CNTN4: variants seen among roughly 807,000 people sequenced by gnomAD.
The protein encoded by CNTN4 is contactin 4.
CNTN4 carries 77 observed loss-of-function variants against 122.5 expected under a neutral mutation model. The ratio of observed to expected loss-of-function variants is 0.63; its 90% confidence interval spans 0.52 to 0.76. CNTN4 has a LOEUF of 0.76. Ranked by LOEUF, CNTN4 falls within the 30% of genes least tolerant of loss-of-function variation. The pLI is 0.00. For missense variants in CNTN4, 1,256 were observed against 1,259.1 expected (o/e 1.00, Z 0.04); for synonymous variants, 512 against 447.0 (o/e 1.15, Z -1.83).
chr3:2,118,502 A>G (rs1196561831), intron 2 of CNTN4, among the ~76,000 whole-genome samples: 1 of 152,262 alleles, frequency 6.6e-6, no homozygotes, highest in Non-Finnish European at 1.5e-5. Flanking sequence ...ATTTTCAACC[A>G]AATATTTGCA....
chr3:3,032,195 T>C (rs193203019), intron 16 of CNTN4, among the ~76,000 whole-genome samples: 102 of 152,338 alleles, frequency 6.7e-4, no homozygotes, highest in African/African-American at 2.4e-3. Context: ...GAATAACTTA[T>C]AGAAATGTGT....
chr3:2,261,628 C>G (rs796676415), intron 2 of CNTN4, among the ~76,000 whole-genome samples: 1 of 152,158 alleles, frequency 6.6e-6, no homozygotes. Flanking sequence ...TCAACACCAA[C>G]TATTCCAGGC....
Position 2,611,297 on chromosome 3 carries a change from C to CAAAAAAAAAAAA in CNTN4, c.55+39743_55+39754dup, listed in dbSNP as rs201162114. ...CAAAAGTACTCACAGCACCTGGAAC[C>CAAAAAAAAAAAA]AAAAAAAAAAAAAAAGAAAGAAAGA... On this transcript the variant is annotated intron_variant, in intron 4 of 24. Coordinates refer to ENST00000418658, the MANE Select transcript of CNTN4 (RefSeq NM_175607.3). 9.2e-4 allele frequency among the ~76,000 whole-genome samples: 57 copies of CAAAAAAAAAAAA among 62,234 alleles called. 1 individual carries two copies. Among genetic ancestry groups the CAAAAAAAAAAAA allele is most frequent in the African/African-American group, 1.4e-3 (16 of 11,530 alleles). 40.8% of individuals were successfully genotyped at this position (62,234 alleles called of 152,430 possible).
At chr3:2,829,060 C>A (rs1255293831) in intron 7 of CNTN4, among the ~76,000 whole-genome samples, 3 of 152,080 alleles carry the variant, frequency 2.0e-5, no homozygotes, top group Non-Finnish European at 4.4e-5. Flanking sequence ...ATTCTTAAGG[C>A]GATCTTGTCT....
chr3:2,300,647 C>G lies in CNTN4; in HGVS notation c.-144-38531C>G, dbSNP rs568996320. Reference sequence around the variant, plus strand: ...AGTGCAGTGGCACAGTCTCGGCTCACTGCAACCTCTGCCTCCCGGGTTCAA... The same window carrying G: ...AGTGCAGTGGCACAGTCTCGGCTCAGTGCAACCTCTGCCTCCCGGGTTCAA... On this transcript the variant is annotated intron_variant, in intron 2 of 24. Coordinates refer to ENST00000418658, the MANE Select transcript of CNTN4 (RefSeq NM_175607.3). Among the ~76,000 whole-genome samples, 321 of 142,888 alleles carry G rather than the reference C, an allele frequency of 2.2e-3. 1 individual carries two copies. The highest frequency in any genetic ancestry group is 7.9e-3 in the African/African-American group (305 of 38,760). 93.7% of individuals were successfully genotyped at this position (142,888 alleles called of 152,430 possible). A position where few individuals can be genotyped will look rare whatever the true frequency, so the allele number is the denominator to read the frequency against.
chr3:2,509,694 T>A (rs2076829650), intron 3 of CNTN4, among the ~76,000 whole-genome samples: 1 of 152,172 alleles, frequency 6.6e-6, no homozygotes. Flanking sequence ...TCCATTTTGC[T>A]TTTATTCCCT....
At chr3:2,150,469 T>G (rs532782884) in intron 2 of CNTN4, among the ~76,000 whole-genome samples, 1 of 152,194 alleles carries the variant, frequency 6.6e-6, no homozygotes, top group Non-Finnish European at 1.5e-5. Flanking sequence ...GTAGGACATA[T>G]GTTTTTCTAT....
At chr3:2,298,233 C>T (rs964962470) in intron 2 of CNTN4, among the ~76,000 whole-genome samples, 11 of 152,052 alleles carry the variant, frequency 7.2e-5, no homozygotes, top group Admixed American at 5.2e-4. Flanking sequence ...TTTTAACCTC[C>T]TCCTTTAAGG....
chr3:2,768,347 A>G (rs2090951336), intron 6 of CNTN4, among the ~76,000 whole-genome samples: 1 of 152,210 alleles, frequency 6.6e-6, no homozygotes, highest in African/African-American at 2.4e-5. Flanking sequence ...TTTCAACAAA[A>G]ATCAATGTGG....
chr3:2,994,618 T>C (rs1695360524), intron 14 of CNTN4, among the ~76,000 whole-genome samples: 1 of 149,586 alleles, frequency 6.7e-6, no homozygotes, highest in South Asian at 2.1e-4. Flanking sequence ...TATATATGTG[T>C]GTATATATAT....
At chr3:2,605,841 T>C (rs902707824) in intron 4 of CNTN4, among the ~76,000 whole-genome samples, 2 of 152,228 alleles carry the variant, frequency 1.3e-5, no homozygotes, top group Non-Finnish European at 2.9e-5. Context: ...TGTTGAATTC[T>C]AGTTAAAGAA....
chr3:2,540,267 G>T lies in CNTN4; in HGVS notation c.-88-31149G>T, dbSNP rs187134086. Among the ~76,000 whole-genome samples the T allele has an allele frequency of 6.4e-4, 98 of 152,164 alleles. 1 individual carries two copies. The East Asian group carries it at 0.015, about 23-fold the overall frequency. The stretch of plus-strand genomic sequence containing the variant: ...AACTTGAGGGTAGGTGTATGTGGTT[G>T]AATGGTAACAGGCACCCAAGGTTTG... On this transcript the variant is annotated intron_variant, in intron 3 of 24. Transcript: ENST00000418658.
At chr3:2,677,040 T>C (rs773280304) in intron 4 of CNTN4, among the ~76,000 whole-genome samples, 3 of 152,060 alleles carry the variant, frequency 2.0e-5, no homozygotes, top group Non-Finnish European at 4.4e-5. Context: ...ATCAAATAAC[T>C]TAAATCCAGT....
At chr3:2,423,552 A>G (rs1377527191) in intron 3 of CNTN4, among the ~76,000 whole-genome samples, 1 of 151,758 alleles carries the variant, frequency 6.6e-6, no homozygotes, top group East Asian at 1.9e-4. Flanking sequence ...AATAAACATG[A>G]CTAAAATGTA....
intron 14 of CNTN4, among the ~76,000 whole-genome samples, chr3:3,000,684 C>T (rs746147264): frequency 1.3e-5 from 2 of 152,150 alleles, no homozygotes; most frequent in East Asian, 1.9e-4. Context: ...TTCATCTTAG[C>T]GTTCTCAGGG....
At chr3:2,203,737 A>T (rs916233233) in intron 2 of CNTN4, among the ~76,000 whole-genome samples, 4 of 152,202 alleles carry the variant, frequency 2.6e-5, no homozygotes, top group South Asian at 2.1e-4. Context: ...ATATCCAGGT[A>T]CATTGGCCTT....
At chr3:2,382,018 A>C (rs2046043450) in intron 3 of CNTN4, among the ~76,000 whole-genome samples, 1 of 152,122 alleles carries the variant, frequency 6.6e-6, no homozygotes, top group African/African-American at 2.4e-5. Context: ...CACACACAAA[A>C]AATAATTTTG....
chr3:2,755,664 G>A (rs2090302129), intron 6 of CNTN4, among the ~76,000 whole-genome samples: 1 of 152,024 alleles, frequency 6.6e-6, no homozygotes, highest in Non-Finnish European at 1.5e-5. Flanking sequence ...ACTTTCTTTT[G>A]GTCATCCCAC....
At chr3:2,217,814 CACCAGTTGAGATATAAACAT>C (rs1257904360) in intron 2 of CNTN4, among the ~76,000 whole-genome samples, 1 of 152,114 alleles carries the variant, frequency 6.6e-6, no homozygotes, top group Non-Finnish European at 1.5e-5. Flanking sequence ...TAACTTTTTG[CACCAGTTGAGATATAAACAT>C]ACCCACGAGT....
Sources: allele counts gnomAD v4.1 joint callset (sites outside exome capture counted in the v4.1 genomes callset), GRCh38; gene constraint gnomAD v4.1.1; transcripts MANE v1.5; gene names NCBI Gene and HGNC (gene_info 2026-07-23, HGNC 2026-07-21).